Variants in NR1H4 observed in about 807,000 individuals in gnomAD.
NR1H4 encodes the protein nuclear receptor subfamily 1 group H member 4.
NR1H4 carries 23 observed loss-of-function variants against 58.5 expected under a neutral mutation model. The ratio of observed to expected loss-of-function variants is 0.39; its 90% confidence interval spans 0.28 to 0.56. The LOEUF is 0.56. NR1H4 is among the 20% of genes least tolerant of loss of function. NR1H4 has a pLI of 0.58. For synonymous variants in NR1H4, 214 were observed against 198.0 expected (o/e 1.08, Z -0.68); for missense variants, 487 against 576.9 (o/e 0.84, Z 1.60).
chr12:100,520,284 G>A (rs956554957), intron 4 of NR1H4, among the ~76,000 whole-genome samples: 2 of 152,110 alleles, frequency 1.3e-5, no homozygotes, highest in African/African-American at 4.8e-5. Context: ...CTTCTTGGCT[G>A]AATAAACAAG....
chr12:100,555,757 G>A (rs763489774), intron 9 of NR1H4, among the ~76,000 whole-genome samples: 1 of 152,164 alleles, frequency 6.6e-6, no homozygotes, highest in Non-Finnish European at 1.5e-5. Flanking sequence ...AAAAATTTAA[G>A]TAATGTCCCA....
chr12:100,504,733 C>A (rs919134725), intron 3 of NR1H4, among the ~76,000 whole-genome samples: 1 of 152,162 alleles, frequency 6.6e-6, no homozygotes, highest in African/African-American at 2.4e-5. Context: ...ATGTCTTTCC[C>A]AGGTTCATAT....
intron 7 of NR1H4, 49 bp downstream of exon 7, chr12:100,536,659 G>T (rs763520245): frequency 7.5e-6 from 8 of 1,060,768 alleles, no homozygotes; most frequent in Admixed American, 3.5e-5. Flanking sequence ...ATATTTTCTG[G>T]AGTTTTTATT....
intron 1 of NR1H4, among the ~76,000 whole-genome samples, chr12:100,483,985 G>GGA (rs1953437094): frequency 1.4e-5 from 1 of 70,228 alleles, no homozygotes; most frequent in African/African-American, 3.9e-5. Flanking sequence ...CTCTGTCTCA[G>GGA]AAAAAAAAAA....
At chr12:100,507,439 T>A (rs1228589734) in intron 3 of NR1H4, among the ~76,000 whole-genome samples, 1 of 151,818 alleles carries the variant, frequency 6.6e-6, no homozygotes, top group Non-Finnish European at 1.5e-5. Context: ...CGTTTTTTTG[T>A]TTGTTTATTT....
intron 8 of NR1H4, among the ~76,000 whole-genome samples, chr12:100,539,601 G>A (rs1224837834): frequency 6.6e-6 from 1 of 152,096 alleles, no homozygotes; most frequent in Non-Finnish European, 1.5e-5. Flanking sequence ...ATGCACATGA[G>A]CTTGTGTTTT....
intron 1 of NR1H4, among the ~76,000 whole-genome samples, chr12:100,490,363 A>T (rs914638964): frequency 1.1e-4 from 16 of 152,188 alleles, no homozygotes; most frequent in Admixed American, 4.6e-4. Flanking sequence ...CAGATGTGAG[A>T]CAAGGAGAGC....
At chr12:100,501,531 T>C (rs1228586614) in intron 3 of NR1H4, among the ~76,000 whole-genome samples, 1 of 152,116 alleles carries the variant, frequency 6.6e-6, no homozygotes, top group East Asian at 1.9e-4. Context: ...GGGATGACTA[T>C]AGACAAATCA....
At chr12:100,541,308 A>G (rs1383735849) in intron 9 of NR1H4, among the ~76,000 whole-genome samples, 1 of 150,544 alleles carries the variant, frequency 6.6e-6, no homozygotes, top group East Asian at 1.9e-4. Context: ...TTTTAGACAC[A>G]GTCTTGCTCT....
At chr12:100,477,003 C>G (rs879307924) in intron 1 of NR1H4, among the ~76,000 whole-genome samples, 5 of 152,084 alleles carry the variant, frequency 3.3e-5, no homozygotes, top group Admixed American at 6.6e-5. Context: ...TACGAGTGTC[C>G]TTAGTCACCA....
At chr12:100,529,518 G>A (rs1436026790) in intron 4 of NR1H4, among the ~76,000 whole-genome samples, 10 of 152,010 alleles carry the variant, frequency 6.6e-5, no homozygotes, top group Admixed American at 6.6e-4. Context: ...ATCACATTCT[G>A]TTCCTGTTAC....
intron 3 of NR1H4, among the ~76,000 whole-genome samples, chr12:100,501,923 A>G (rs1253144652): frequency 6.6e-6 from 1 of 152,154 alleles, no homozygotes; most frequent in African/African-American, 2.4e-5. Context: ...GTCCCCTTCT[A>G]AAGCCCTCAT....
chr12:100,507,764 A>G (rs981125568), intron 3 of NR1H4, among the ~76,000 whole-genome samples: 1 of 152,164 alleles, frequency 6.6e-6, no homozygotes, highest in African/African-American at 2.4e-5. Context: ...CACCTGGCCT[A>G]TGCTGTTTTT....
At position 100,534,877 on chromosome 12, in the gene NR1H4, T is replaced by A; in HGVS notation, c.599-13T>A. 1 of 1,614,208 alleles carries A rather than the reference T, an allele frequency of 6.2e-7. No homozygotes were observed. The highest frequency in any genetic ancestry group is 8.5e-7 in the Non-Finnish European group (1 of 1,180,024). On this transcript the variant is annotated splice_polypyrimidine_tract_variant and intron_variant, in intron 5 of 10. Transcript: ENST00000392986. ...TCTGTGATTGGTGAAGTCTCTATGC[T>A]TATTTGTTTTAGGCTTGTTAACTGA...
intron 3 of NR1H4, chr12:100,505,686 G>T: frequency 1.5e-6 from 1 of 657,086 alleles, no homozygotes; most frequent in Non-Finnish European, 2.7e-6. Context: ...CTCTTTGATA[G>T]GCTAATTCCA....
chr12:100,558,642 A>C (rs566289583), intron 9 of NR1H4, among the ~76,000 whole-genome samples: 2 of 152,338 alleles, frequency 1.3e-5, no homozygotes, highest in Admixed American at 1.3e-4. Context: ...TATAGGCGTA[A>C]GCCACTGCAC....
rs1057026115 is a variant in NR1H4 at position 100,532,343 on chromosome 12, T to A, written c.446-115T>A. ...GTCACTGGTGTGCTCAAGGATGGCC[T>A]GGGTGCTCTCCAGCAGTTGGTGAGA... On this transcript the variant is annotated intron_variant, in intron 4 of 10. Coordinates refer to ENST00000392986, the MANE Select transcript of NR1H4 (RefSeq NM_001206979.2). 2.3e-5 allele frequency: 21 copies of A among 919,208 alleles called. No homozygotes were observed. The African/African-American group carries it at 2.6e-4, about 11-fold the overall frequency. 56.9% of individuals were successfully genotyped at this position (919,208 alleles called of 1,614,324 possible).
chr12:100,502,611 G>A (rs1270373728), intron 3 of NR1H4, among the ~76,000 whole-genome samples: 1 of 152,172 alleles, frequency 6.6e-6, no homozygotes, highest in African/African-American at 2.4e-5. Context: ...AGGTACTGGG[G>A]TTTAAGGCTT....
intron 1 of NR1H4, among the ~76,000 whole-genome samples, chr12:100,486,544 G>A (rs1233968560): frequency 6.6e-6 from 1 of 152,154 alleles, no homozygotes; most frequent in East Asian, 1.9e-4. Flanking sequence ...TCAGAAATGA[G>A]CAGATTTTCT....
Sources: allele counts gnomAD v4.1 joint callset (sites outside exome capture counted in the v4.1 genomes callset), GRCh38; gene constraint gnomAD v4.1.1; transcripts MANE v1.5; gene names NCBI Gene and HGNC (gene_info 2026-07-23, HGNC 2026-07-21).